PTPRE: variants seen among roughly 807,000 people sequenced by gnomAD.
PTPRE encodes receptor-type tyrosine-protein phosphatase epsilon.
PTPRE carries 51 observed loss-of-function variants against 102.0 expected under a neutral mutation model. That is an observed-to-expected ratio of 0.50 (90% CI 0.40 to 0.63). The LOEUF (loss-of-function observed/expected upper bound fraction) is 0.63. Ranked by LOEUF, PTPRE falls within the 30% of genes least tolerant of loss-of-function variation. The probability of loss-of-function intolerance (pLI) is 0.00; values close to 1 mark genes in which losing one functional copy is unlikely to be tolerated. For missense variants in PTPRE, 752 were observed against 915.1 expected, an observed-to-expected ratio of 0.82 and a Z score of 2.30; for synonymous variants, 345 against 348.2, an observed-to-expected ratio of 0.99 and a Z score of 0.10.
intron 3 of PTPRE, among the ~76,000 whole-genome samples, chr10:128,044,955 C>T (rs1033382376): frequency 6.6e-6 from 1 of 152,260 alleles, no homozygotes; most frequent in Admixed American, 6.5e-5. Context: ...GAACTAGGCA[C>T]TGTGGGCACC....
At chr10:127,942,301 T>C (rs943117866) in intron 1 of PTPRE, among the ~76,000 whole-genome samples, 22 of 152,342 alleles carry the variant, frequency 1.4e-4, no homozygotes, top group Admixed American at 1.4e-3. Flanking sequence ...GGAAAGGTGA[T>C]CAGAGGTTTG....
intron 1 of PTPRE, among the ~76,000 whole-genome samples, chr10:127,969,161 G>A (rs759025763): frequency 6.6e-5 from 10 of 152,178 alleles, no homozygotes; most frequent in Non-Finnish European, 1.3e-4. Flanking sequence ...GAAGGCGAAC[G>A]CCATGGAGCT....
At chr10:127,915,534 G>A (rs968376826) in intron 1 of PTPRE, among the ~76,000 whole-genome samples, 4 of 152,172 alleles carry the variant, frequency 2.6e-5, no homozygotes, top group Non-Finnish European at 5.9e-5. Context: ...CTAAAGTTCA[G>A]TCATCTACTG....
chr10:127,986,939 T>C (rs1481289262), intron 2 of PTPRE, among the ~76,000 whole-genome samples: 1 of 152,206 alleles, frequency 6.6e-6, no homozygotes, highest in African/African-American at 2.4e-5. Context: ...CTTCTTCTTA[T>C]ACTGGGGTTT....
intron 1 of PTPRE, among the ~76,000 whole-genome samples, chr10:127,978,257 G>A (rs1234821438): frequency 2.6e-5 from 4 of 151,998 alleles, no homozygotes; most frequent in African/African-American, 9.7e-5. Flanking sequence ...AAGCAGACAA[G>A]CCTGGGTATA....
In PTPRE at chr10:127,984,752, T is replaced by C. The variant is rs575011339; in HGVS notation, c.-8+2456T>C. On this transcript the variant is annotated intron_variant, in intron 2 of 20. Transcript: ENST00000254667. The stretch of plus-strand genomic sequence containing the variant: ...CCACTTAACTTCTTCCTCATTCTCT[T>C]CTCTTGTCTGTGCCATGTGAGACGT... Among the ~76,000 whole-genome samples the C allele has an allele frequency of 2.0e-5, 3 of 152,300 alleles. No homozygotes were observed. The East Asian group carries it at 5.8e-4, about 29-fold the overall frequency.
chr10:128,036,531 T>A (rs1251930970), intron 2 of PTPRE, among the ~76,000 whole-genome samples: 2 of 152,188 alleles, frequency 1.3e-5, no homozygotes, highest in Non-Finnish European at 2.9e-5. Flanking sequence ...TATTATTGCC[T>A]TATGCCTCCA....
At chr10:127,968,309 G>T (rs1437659498) in intron 1 of PTPRE, among the ~76,000 whole-genome samples, 1 of 152,202 alleles carries the variant, frequency 6.6e-6, no homozygotes, top group Non-Finnish European at 1.5e-5. Context: ...GTTAGGTTTG[G>T]TGGGGGGAGG....
chr10:127,967,145 G>A (rs932769726), intron 1 of PTPRE, among the ~76,000 whole-genome samples: 2 of 152,204 alleles, frequency 1.3e-5, no homozygotes, highest in African/African-American at 4.8e-5. Context: ...GACATGCTCA[G>A]TGTTTCTCAG....
At chr10:128,042,262 G>A (rs544639526) in intron 3 of PTPRE, among the ~76,000 whole-genome samples, 24 of 152,280 alleles carry the variant, frequency 1.6e-4, no homozygotes, top group East Asian at 3.9e-4. Flanking sequence ...CAGAACATCC[G>A]TTTGCGCAAC....
Position 127,997,515 on chromosome 10 carries a change from G to GA in PTPRE, c.-8+15223dup, listed in dbSNP as rs1253121205. Among the ~76,000 whole-genome samples the GA allele has an allele frequency of 2.0e-5, 3 of 152,336 alleles. No individual in the cohort carries two copies. In the East Asian group the frequency reaches 5.8e-4, roughly 29 times the overall value. On this transcript the variant is annotated intron_variant, in intron 2 of 20. Transcript: ENST00000254667. ...TCAGGAAGCCAGGGCACTGAAGACTGAAAAGCAGAATCCTAACATTCATGT... is the reference window on the plus strand; with the variant it reads ...TCAGGAAGCCAGGGCACTGAAGACTGAAAAAGCAGAATCCTAACATTCATGT...
At chr10:127,970,414 C>T (rs1047244714) in intron 1 of PTPRE, among the ~76,000 whole-genome samples, 4 of 152,020 alleles carry the variant, frequency 2.6e-5, no homozygotes, top group Admixed American at 1.3e-4. Flanking sequence ...GTCCTCCCAC[C>T]CTCTACCCAC....
chr10:127,932,441 C>T (rs1235695128), intron 1 of PTPRE, among the ~76,000 whole-genome samples: 1 of 152,196 alleles, frequency 6.6e-6, no homozygotes, highest in Non-Finnish European at 1.5e-5. Flanking sequence ...GTGTACAGTT[C>T]TTCTGGGGAA....
rs749896826 is a variant in PTPRE at position 128,077,639 on chromosome 10, A to G, written c.1748A>G (p.Gln583Arg). 6.2e-7 allele frequency: 1 copy of G among 1,611,264 alleles called. No individual in the cohort carries two copies. The highest frequency in any genetic ancestry group is 2.2e-5 in the East Asian group (1 of 44,780). Reference sequence around the variant, plus strand: ...CAGCCCCAGGCCCGCCAGGAGGAGCAGGTCCGAGTAGTGCGCCAGTTTCAC... The same window carrying G: ...CAGCCCCAGGCCCGCCAGGAGGAGCGGGTCCGAGTAGTGCGCCAGTTTCAC... Reference protein sequence around the residue: ...LNQPQARQEEQVRVVRQFHFH... With the variant: ...LNQPQARQEERVRVVRQFHFH... The change falls in exon 19 of 21, where the codon CAG becomes CGG. Residue 583 changes from glutamine to arginine, a missense_variant. Physicochemically the swap from Gln to Arg is conservative, Grantham distance 43 (BLOSUM62 1). Transcript: ENST00000254667.
At chr10:128,017,790 G>T (rs1287549599) in intron 2 of PTPRE, among the ~76,000 whole-genome samples, 2 of 151,938 alleles carry the variant, frequency 1.3e-5, no homozygotes, top group South Asian at 2.1e-4. Flanking sequence ...TCTGAAAGCT[G>T]CAGGGGGCAG....
intron 2 of PTPRE, chr10:127,999,793 G>A (rs1804569121): frequency 1.0e-6 from 1 of 985,276 alleles, no homozygotes; most frequent in African/African-American, 1.7e-5. Context: ...CGGCAGCCGC[G>A]AGCCTCAGAA....
chr10:127,962,825 C>G (rs187135708), intron 1 of PTPRE, among the ~76,000 whole-genome samples: 1 of 152,218 alleles, frequency 6.6e-6, no homozygotes, highest in South Asian at 2.1e-4. Flanking sequence ...CCCCAGCCCC[C>G]GCAATGTCCA....
rs540450030 is a variant in PTPRE at position 128,014,545 on chromosome 10, G to T, written c.-7-26330G>T. On this transcript the variant is annotated intron_variant, in intron 2 of 20. Coordinates refer to ENST00000254667, the MANE Select transcript of PTPRE (RefSeq NM_006504.6). ...GAGGGCGGATTTATTTTTAATAAAA[G>T]AAGATTAAAATCTGTGTATCTGCAG... Among the ~76,000 whole-genome samples, 43 of 152,174 alleles carry T rather than the reference G, an allele frequency of 2.8e-4. 1 individual carries two copies. In the South Asian group the frequency reaches 8.9e-3, roughly 32 times the overall value.
At chr10:127,977,848 G>T (rs1851301437) in intron 1 of PTPRE, among the ~76,000 whole-genome samples, 1 of 152,152 alleles carries the variant, frequency 6.6e-6, no homozygotes, top group Non-Finnish European at 1.5e-5. Flanking sequence ...TGTCACCATG[G>T]CTTTTTCCCA....
Sources: gnomAD v4.1 joint callset for allele counts (sites outside exome capture counted in the v4.1 genomes callset) on GRCh38, gnomAD v4.1.1 for gene constraint, MANE v1.5 for transcripts, NCBI Gene and HGNC (gene_info 2026-07-23, HGNC 2026-07-21) for gene names.